MED12L: variants seen among roughly 807,000 people sequenced by gnomAD.
MED12L encodes the protein mediator of RNA polymerase II transcription subunit 12-like protein.
A neutral mutation model predicts 281.3 loss-of-function variants in MED12L; 60 were observed. The ratio of observed to expected loss-of-function variants is 0.21; its 90% CI spans 0.17 to 0.26. The LOEUF is 0.26. Ranked by LOEUF, MED12L falls within the 10% of genes least tolerant of loss-of-function variation. MED12L has a pLI of 1.00. For synonymous variants in MED12L, 974 were observed against 987.2 expected, an observed-to-expected ratio of 0.99 and a Z score of 0.25; for missense variants, 2,146 against 2,680.9, an observed-to-expected ratio of 0.80 and a Z score of 4.41.
At chr3:151,182,710 T>C (rs2149061700) in intron 11 of MED12L, among the ~76,000 whole-genome samples, 1 of 152,224 alleles carries the variant, frequency 6.6e-6, no homozygotes, top group South Asian at 2.1e-4. Flanking sequence ...GCCTGAATGG[T>C]GATGCCATTT....
At chr3:151,223,175 C>CAAAAAAAA (rs10646837) in intron 16 of MED12L, among the ~76,000 whole-genome samples, 2 of 127,124 alleles carry the variant, frequency 1.6e-5, no homozygotes, top group African/African-American at 5.9e-5. Context: ...TTAAAAAGTC[C>CAAAAAAAA]AAAAAAAAAA....
chr3:151,311,429 T>C (rs1457075929), intron 16 of MED12L, among the ~76,000 whole-genome samples: 1 of 152,158 alleles, frequency 6.6e-6, no homozygotes, highest in East Asian at 1.9e-4. Flanking sequence ...TACTATAGTT[T>C]TATTTTTCCA....
rs80121514 is a variant in MED12L at position 151,255,278 on chromosome 3, G to C, written c.2250+61612G>C. ...ATTTGTTTGTAAAAATGCTGTTTTG[G>C]GATTTATACTAATGGGTACCCTTCA... On this transcript the variant is annotated intron_variant, in intron 16 of 44. Coordinates refer to ENST00000687756, the MANE Select transcript of MED12L (RefSeq NM_001393769.1). Among the ~76,000 whole-genome samples, 185 of 152,182 alleles carry C rather than the reference G, an allele frequency of 1.2e-3. 2 individuals are homozygous for C. The highest frequency in any genetic ancestry group is 0.01 in the East Asian group (52 of 5,180).
chr3:151,330,757 G>A, intron 16 of MED12L, among the ~76,000 whole-genome samples: 1 of 152,066 alleles, frequency 6.6e-6, no homozygotes, highest in Admixed American at 6.6e-5. Context: ...ACCCAATAAC[G>A]GCACAGTTTG....
chr3:151,317,790 A>C (rs1360033404), intron 16 of MED12L, among the ~76,000 whole-genome samples: 1 of 152,080 alleles, frequency 6.6e-6, no homozygotes, highest in Non-Finnish European at 1.5e-5. Context: ...CTTTCAGATG[A>C]GAATCTCAAA....
At chr3:151,109,969 G>C (rs1711613810) in intron 2 of MED12L, among the ~76,000 whole-genome samples, 2 of 152,146 alleles carry the variant, frequency 1.3e-5, no homozygotes, top group Admixed American at 6.5e-5. Context: ...CACCTTTGCA[G>C]ATGGGCAAAG....
chr3:151,190,717 C>T lies in MED12L; in HGVS notation c.1754C>T (p.Ser585Leu), dbSNP rs1190424259. The T allele has an allele frequency of 1.2e-6, 2 of 1,613,828 alleles. No homozygotes were observed. Among genetic ancestry groups the T allele is most frequent in the East Asian group, 2.2e-5 (1 of 44,872 alleles). ...RFLDTQAPSL[S>L]DPNSECEKVE... ...CTTGATTGAATTTGTTTCTCTATAGCGGACCCAAACAGTGAATGTGAAAAG... is the reference window on the plus strand; with the variant it reads ...CTTGATTGAATTTGTTTCTCTATAGTGGACCCAAACAGTGAATGTGAAAAG... Residue 585 changes from serine to leucine, a missense_variant and splice_region_variant, in exon 14 of 45, where the codon TCG (serine) becomes TTG (leucine). Coordinates refer to ENST00000687756, the MANE Select transcript of MED12L (RefSeq NM_001393769.1).
chr3:151,238,656 C>G (rs930672747), intron 16 of MED12L, among the ~76,000 whole-genome samples: 2 of 151,444 alleles, frequency 1.3e-5, no homozygotes, highest in African/African-American at 4.9e-5. Context: ...CTCAACTGTT[C>G]ATTGCATTTT....
chr3:151,319,934 C>T (rs993493039), intron 16 of MED12L, among the ~76,000 whole-genome samples: 1 of 152,184 alleles, frequency 6.6e-6, no homozygotes, highest in African/African-American at 2.4e-5. Flanking sequence ...AAAAGTGTCA[C>T]ATCTTCGAAG....
At chr3:151,399,410 A>C (rs923318796) in intron 39 of MED12L, among the ~76,000 whole-genome samples, 12 of 152,230 alleles carry the variant, frequency 7.9e-5, no homozygotes, top group African/African-American at 2.9e-4. Context: ...TTACTTGTAT[A>C]ATTACATAAA....
chr3:151,408,309 C>T (rs1213612536), intron 39 of MED12L, among the ~76,000 whole-genome samples: 1 of 152,158 alleles, frequency 6.6e-6, no homozygotes, highest in African/African-American at 2.4e-5. Context: ...TCCTCTTAAG[C>T]TACATATTTA....
chr3:151,331,586 T>C (rs998516989), intron 16 of MED12L, among the ~76,000 whole-genome samples: 5 of 152,220 alleles, frequency 3.3e-5, no homozygotes, highest in Non-Finnish European at 4.4e-5. Context: ...AATTGGAATG[T>C]TGTGCATACA....
At chr3:151,294,583 A>T (rs1036302990) in intron 16 of MED12L, 2 of 1,614,066 alleles carry the variant, frequency 1.2e-6, no homozygotes, top group Non-Finnish European at 8.5e-7. Flanking sequence ...ATCCGATCAG[A>T]ATCACCAGCA....
At chr3:151,101,651 A>G (rs73155773) in intron 2 of MED12L, among the ~76,000 whole-genome samples, 16,829 of 137,028 alleles carry the variant, frequency 0.12, 1,060 homozygotes, top group Middle Eastern at 0.18. Context: ...GGAGGGGGGC[A>G]GTTTTTCTGC....
intron 16 of MED12L, among the ~76,000 whole-genome samples, chr3:151,347,660 G>A (rs957356750): frequency 6.6e-6 from 1 of 152,098 alleles, no homozygotes; most frequent in African/African-American, 2.4e-5. Context: ...GTGAAATGTT[G>A]AGTAAGGCAG....
In MED12L at chr3:151,187,593, T is replaced by C. The variant is rs111924175; in HGVS notation, c.1627-761T>C. On this transcript the variant is annotated intron_variant, in intron 12 of 44. Transcript: ENST00000687756. Reference sequence around the variant, plus strand: ...GAAAATGGGAATGATCAAAGGAATATAACAAAGAATAGAAAACAAGGTTCT... The same window carrying C: ...GAAAATGGGAATGATCAAAGGAATACAACAAAGAATAGAAAACAAGGTTCT... 3.0e-3 allele frequency among the ~76,000 whole-genome samples: 461 copies of C among 152,322 alleles called. 3 individuals are homozygous for C. The highest frequency in any genetic ancestry group is 5.5e-3 in the African/African-American group (229 of 41,576).
intron 5 of MED12L, among the ~76,000 whole-genome samples, chr3:151,143,535 A>G (rs559919262): frequency 1.3e-5 from 2 of 152,364 alleles, no homozygotes; most frequent in South Asian, 2.1e-4. Flanking sequence ...AATAATTTAA[A>G]TAACTTCTGT....
At chr3:151,399,673 A>G (rs574378877) in intron 39 of MED12L, among the ~76,000 whole-genome samples, 1 of 152,302 alleles carries the variant, frequency 6.6e-6, no homozygotes, top group South Asian at 2.1e-4. Flanking sequence ...ATAATGCAAA[A>G]TGCTGCTTTA....
At chr3:151,380,343 T>A in intron 32 of MED12L, 119 bp downstream of exon 32, 1 of 644,910 alleles carries the variant, frequency 1.6e-6, no homozygotes. Context: ...ATGCCTGTAA[T>A]CCCAGCACTT....
Sources: gnomAD v4.1 joint callset for allele counts (sites outside exome capture counted in the v4.1 genomes callset) on GRCh38, gnomAD v4.1.1 for gene constraint, MANE v1.5 for transcripts, NCBI Gene and HGNC (gene_info 2026-07-23, HGNC 2026-07-21) for gene names.